The following CLVS1 variants were observed in gnomAD, a reference collection of about 807,000 sequenced individuals.
The protein encoded by CLVS1 is clavesin-1.
CLVS1 carries 10 observed loss-of-function variants against 33.1 expected under a neutral mutation model. That is an observed-to-expected ratio of 0.30 (90% CI 0.19 to 0.51). The LOEUF is 0.51. CLVS1 is among the 20% of genes least tolerant of loss of function. CLVS1 has a pLI of 0.97. For missense variants in CLVS1, 343 were observed against 433.4 expected (o/e 0.79, Z 1.85); for synonymous variants, 163 against 166.1 (o/e 0.98, Z 0.14).
chr8:60,990,125 C>CA, the CLVS1 span, among the ~76,000 whole-genome samples: 438 of 38,280 alleles, frequency 0.011, 41 homozygotes, highest in African/African-American at 0.018. Context: ...ACTCCATCTC[C>CA]AAAAAAAAAA....
At chr8:61,224,499 G>C (rs987285863) in intron 2 of CLVS1, among the ~76,000 whole-genome samples, 5 of 152,148 alleles carry the variant, frequency 3.3e-5, no homozygotes, top group African/African-American at 1.2e-4. Flanking sequence ...TCCGTGTCTG[G>C]AGATGTCACT....
At chr8:61,055,222 A>T (rs543620472), upstream of CLVS1, among the ~76,000 whole-genome samples, 1 of 152,362 alleles carries the variant, frequency 6.6e-6, no homozygotes, top group African/African-American at 2.4e-5. Context: ...TAGACTAAAC[A>T]TATTTGTAGG....
chr8:61,252,367 G>A (rs557999952), intron 2 of CLVS1, among the ~76,000 whole-genome samples: 125 of 152,286 alleles, frequency 8.2e-4, no homozygotes, highest in Middle Eastern at 3.4e-3. Flanking sequence ...TAAGCATGAT[G>A]AGGTGCTGAG....
chr8:61,480,383 A>G (rs1818140625), intron 5 of CLVS1, among the ~76,000 whole-genome samples: 1 of 152,186 alleles, frequency 6.6e-6, no homozygotes, highest in South Asian at 2.1e-4. Context: ...GCTCCGAGCC[A>G]GGTGCAGGAT....
chr8:61,184,283 G>A (rs941158517), intron 2 of CLVS1, among the ~76,000 whole-genome samples: 1 of 152,214 alleles, frequency 6.6e-6, no homozygotes, highest in African/African-American at 2.4e-5. Context: ...TAGGGTAAGA[G>A]GATGGACATG....
the CLVS1 span, among the ~76,000 whole-genome samples, chr8:61,027,356 A>T: frequency 6.6e-6 from 1 of 152,226 alleles, no homozygotes; most frequent in Admixed American, 6.5e-5. Flanking sequence ...TTTATGGAAT[A>T]AAAATGAATT....
the CLVS1 span, among the ~76,000 whole-genome samples, chr8:61,047,347 A>G: frequency 6.6e-6 from 1 of 152,230 alleles, no homozygotes; most frequent in Non-Finnish European, 1.5e-5. Context: ...GAACAATTTT[A>G]CACTGTTTGT....
Position 61,280,907 on chromosome 8 carries a change from C to T in CLVS1, c.-151-18770C>T, listed in dbSNP as rs536049129. 3.9e-5 allele frequency among the ~76,000 whole-genome samples: 6 copies of T among 152,290 alleles called. No individual in the cohort carries two copies. The East Asian group carries it at 5.8e-4, about 15-fold the overall frequency. ...CCTCCCAAAGTGCTCAGACTGCAGA[C>T]CTGAGCCACCACGCTTGGAGATCAT... On this transcript the variant is annotated intron_variant, in intron 2 of 2. Transcript: ENST00000522621.
chr8:61,153,436 G>A (rs1806583182), intron 2 of CLVS1, among the ~76,000 whole-genome samples: 1 of 152,218 alleles, frequency 6.6e-6, no homozygotes, highest in Non-Finnish European at 1.5e-5. Context: ...CAGGTTAGAA[G>A]AAAGAAATGG....
chr8:61,365,886 T>A (rs1481543336), intron 2 of CLVS1, among the ~76,000 whole-genome samples: 3 of 152,088 alleles, frequency 2.0e-5, no homozygotes, highest in African/African-American at 7.2e-5. Context: ...TTTGTGGATG[T>A]AGAAAAACCC....
intron 5 of CLVS1, among the ~76,000 whole-genome samples, chr8:61,482,453 C>A (rs1818232414): frequency 6.6e-6 from 1 of 152,134 alleles, no homozygotes; most frequent in African/African-American, 2.4e-5. Context: ...AGCTAAAAAC[C>A]TTGAAAAAAG....
At chr8:61,493,073 G>A (rs1804148965) in intron 5 of CLVS1, among the ~76,000 whole-genome samples, 1 of 152,134 alleles carries the variant, frequency 6.6e-6, no homozygotes, top group South Asian at 2.1e-4. Context: ...TAATTATTAA[G>A]CAGATGGAAA....
the CLVS1 span, among the ~76,000 whole-genome samples, chr8:61,016,988 C>T: frequency 1.3e-5 from 2 of 152,160 alleles, no homozygotes; most frequent in African/African-American, 2.4e-5. Context: ...GTGGTGGGAG[C>T]GGCTGAGCAA....
intron 2 of CLVS1, among the ~76,000 whole-genome samples, chr8:61,227,620 A>G (rs1174117973): frequency 1.3e-5 from 2 of 152,162 alleles, no homozygotes; most frequent in Middle Eastern, 3.2e-3. Flanking sequence ...AGTTATTCTC[A>G]TGTTTACCTT....
intron 2 of CLVS1, among the ~76,000 whole-genome samples, chr8:61,188,430 C>G (rs2931313): frequency 1.3e-5 from 2 of 151,750 alleles, no homozygotes; most frequent in Non-Finnish European, 2.9e-5. Flanking sequence ...TAGGGACAAC[C>G]TAATAACAGA....
intron 1 of CLVS1, among the ~76,000 whole-genome samples, chr8:61,065,624 A>G (rs1238935466): frequency 1.3e-5 from 2 of 152,198 alleles, no homozygotes; most frequent in Non-Finnish European, 2.9e-5. Flanking sequence ...GAACAAAATG[A>G]GTTAAGAAAA....
intron 3 of CLVS1, among the ~76,000 whole-genome samples, chr8:61,386,231 GT>G (rs1373865116): frequency 2.0e-5 from 3 of 152,198 alleles, no homozygotes; most frequent in African/African-American, 7.2e-5. Flanking sequence ...TGATTCAGTA[GT>G]TTGGGGTGTG....
chr8:61,135,004 G>T (rs1052545141), intron 2 of CLVS1, among the ~76,000 whole-genome samples: 3 of 151,804 alleles, frequency 2.0e-5, no homozygotes, highest in Non-Finnish European at 4.4e-5. Context: ...TCATGGAAAA[G>T]GCATGACTGA....
rs139485582 is a variant in CLVS1, at chr8:61,343,257, A to C, written c.456-33348A>C. On this transcript the variant is annotated intron_variant, in intron 2 of 5. Coordinates refer to ENST00000325897, the MANE Select transcript of CLVS1 (RefSeq NM_173519.3). ...GCAAAATGTTTGTTTTTCAAAAGAT[A>C]AAAATATATGGGGATGTTTATTGGC... 3.1e-3 allele frequency among the ~76,000 whole-genome samples: 479 copies of C among 152,366 alleles called. 2 individuals are homozygous for C. Among genetic ancestry groups the C allele is most frequent in the African/African-American group, 0.01 (436 of 41,596 alleles).
Sources: allele counts gnomAD v4.1 joint callset (sites outside exome capture counted in the v4.1 genomes callset), GRCh38; gene constraint gnomAD v4.1.1; transcripts MANE v1.5; gene names NCBI Gene and HGNC (gene_info 2026-07-23, HGNC 2026-07-21).